The following CDH13 variants were observed in gnomAD, a reference collection of about 807,000 sequenced individuals.
The protein encoded by CDH13 is cadherin 13.
A neutral mutation model predicts 63.8 loss-of-function variants in CDH13; 24 were observed. The ratio of observed to expected loss-of-function variants is 0.38; its 90% CI spans 0.27 to 0.53. The LOEUF is 0.53. Ranked by LOEUF, CDH13 falls within the 20% of genes least tolerant of loss-of-function variation. The pLI is 0.85. For synonymous variants in CDH13, 503 were observed against 355.3 expected (o/e 1.42, Z -4.67); for missense variants, 1,049 against 903.1 (o/e 1.16, Z -2.07).
At chr16:83,480,989 C>A (rs573327361) in intron 6 of CDH13, among the ~76,000 whole-genome samples, 3 of 152,320 alleles carry the variant, frequency 2.0e-5, no homozygotes, top group East Asian at 3.9e-4. Context: ...CCACATTCTC[C>A]TTTTGAAGCA....
chr16:83,280,152 CT>C (rs765245818), intron 5 of CDH13, among the ~76,000 whole-genome samples: 11 of 152,142 alleles, frequency 7.2e-5, no homozygotes, highest in East Asian at 3.9e-4. Flanking sequence ...CAAAATCTTT[CT>C]CTGTAGCATG....
At position 82,900,759 on chromosome 16, in the gene CDH13, C is replaced by T. The variant is rs904323499; in HGVS notation, c.157+42286C>T. Among the ~76,000 whole-genome samples, 13 of 152,252 alleles carry T rather than the reference C, an allele frequency of 8.5e-5. No individual in the cohort carries two copies. In the East Asian group the frequency reaches 9.7e-4, roughly 11 times the overall value. ...TGCTAAGGCAGGTGATATTTCTGCC[C>T]GGCCGTTAGCTTTTGTGCAGAATAG... On this transcript the variant is annotated intron_variant, in intron 2 of 13. Transcript: ENST00000567109.
chr16:83,052,814 T>G lies in CDH13; in HGVS notation c.366+20596T>G, dbSNP rs1452315256. On this transcript the variant is annotated intron_variant, in intron 3 of 13. Coordinates refer to ENST00000567109, the MANE Select transcript of CDH13 (RefSeq NM_001257.5). The stretch of plus-strand genomic sequence containing the variant: ...AAAAAAAAAAAAAAAAGAAAGAAAT[T>G]AAACCTTAAATAGCAAAATAGAAAA... Among the ~76,000 whole-genome samples, 3 of 135,658 alleles carry G rather than the reference T, an allele frequency of 2.2e-5. No homozygotes were observed. In the South Asian group the frequency reaches 7.0e-4, roughly 32 times the overall value. The allele number at this position is 135,658 out of a possible 152,430, so 89.0% of individuals were successfully genotyped here.
chr16:82,775,268 C>T (rs1385089270), intron 1 of CDH13, among the ~76,000 whole-genome samples: 1 of 152,204 alleles, frequency 6.6e-6, no homozygotes, highest in East Asian at 1.9e-4. Context: ...TCACTGTAAT[C>T]ATGATATACA....
chr16:83,597,656 C>T (rs879019598), intron 7 of CDH13, among the ~76,000 whole-genome samples: 30 of 152,082 alleles, frequency 2.0e-4, no homozygotes, highest in African/African-American at 6.8e-4. Context: ...CTTAAGTTTG[C>T]CAGAAAATTT....
At chr16:83,000,223 A>T (rs111955512) in intron 2 of CDH13, among the ~76,000 whole-genome samples, 11,035 of 36,610 alleles carry the variant, frequency 0.3, 848 homozygotes, top group African/African-American at 0.43. Context: ...GGTTTAGCTT[A>T]TTTTTTTTTT....
At chr16:83,711,736 C>T (rs1321417217) in intron 10 of CDH13, among the ~76,000 whole-genome samples, 4 of 152,224 alleles carry the variant, frequency 2.6e-5, no homozygotes, top group Middle Eastern at 3.4e-3. Flanking sequence ...AGGCTGGTCT[C>T]GAACTCCTGA....
rs147099978 is a variant in CDH13, at chr16:83,539,533, C to T, written c.960+52878C>T. On this transcript the variant is annotated intron_variant, in intron 7 of 13. Transcript: ENST00000567109. ...CTGAAAACTTGCAGAAAAGGAAAACCGAAACATTGAAAGAGGGAAAATCTG... is the reference window on the plus strand; with the variant it reads ...CTGAAAACTTGCAGAAAAGGAAAACTGAAACATTGAAAGAGGGAAAATCTG... Among the ~76,000 whole-genome samples the T allele has an allele frequency of 2.0e-3, 309 of 152,146 alleles. 2 individuals carry two copies. The highest frequency in any genetic ancestry group is 3.4e-3 in the Non-Finnish European group (232 of 68,000).
chr16:82,719,486 T>C (rs1597397954), intron 1 of CDH13: 1 of 455,292 alleles, frequency 2.2e-6, no homozygotes, highest in Non-Finnish European at 4.4e-6. Flanking sequence ...GTAAGTTACA[T>C]GAGATGTGAA....
intron 1 of CDH13, among the ~76,000 whole-genome samples, chr16:82,690,852 C>T (rs1296160639): frequency 6.6e-6 from 1 of 152,228 alleles, no homozygotes; most frequent in South Asian, 2.1e-4. Flanking sequence ...ACTGTCAACC[C>T]CGCAACTGCC....
At chr16:83,518,248 A>G (rs891029347) in intron 7 of CDH13, among the ~76,000 whole-genome samples, 3 of 151,440 alleles carry the variant, frequency 2.0e-5, no homozygotes, top group Non-Finnish European at 4.4e-5. Flanking sequence ...GGTTCATGCC[A>G]TTCTCCTGCC....
chr16:82,886,268 T>C (rs1366510159), intron 2 of CDH13, among the ~76,000 whole-genome samples: 1 of 152,218 alleles, frequency 6.6e-6, no homozygotes, highest in Non-Finnish European at 1.5e-5. Flanking sequence ...GATTAAGTTT[T>C]CAGAAGTGAA....
chr16:82,785,385 T>C (rs2035956784), intron 1 of CDH13, among the ~76,000 whole-genome samples: 1 of 152,194 alleles, frequency 6.6e-6, no homozygotes, highest in South Asian at 2.1e-4. Flanking sequence ...TTTAATAAAA[T>C]GCAGCTCTTT....
Position 83,688,693 on chromosome 16 carries a change from C to T in CDH13, c.1538+10232C>T, listed in dbSNP as rs1418324292. 2.0e-5 allele frequency among the ~76,000 whole-genome samples: 3 copies of T among 152,068 alleles called. No individual in the cohort carries two copies. The East Asian group carries it at 5.8e-4, about 29-fold the overall frequency. Reference sequence around the variant, plus strand: ...GTTTGAAATGTAAATGGATTGTTTACAGTGGTGTCTTTGTAATTTTTAATT... The same window carrying T: ...GTTTGAAATGTAAATGGATTGTTTATAGTGGTGTCTTTGTAATTTTTAATT... On this transcript the variant is annotated intron_variant, in intron 10 of 13. Coordinates refer to ENST00000567109, the MANE Select transcript of CDH13 (RefSeq NM_001257.5).
At chr16:83,690,426 G>A (rs1334554558) in intron 10 of CDH13, among the ~76,000 whole-genome samples, 1 of 152,182 alleles carries the variant, frequency 6.6e-6, no homozygotes, top group Non-Finnish European at 1.5e-5. Context: ...CGGGTGGAGA[G>A]GTCCAGGTAG....
At chr16:83,526,326 C>T (rs1044448053) in intron 7 of CDH13, among the ~76,000 whole-genome samples, 11 of 152,106 alleles carry the variant, frequency 7.2e-5, no homozygotes, top group Admixed American at 1.3e-4. Context: ...ATCAATAGTC[C>T]GCAACCTTTT....
chr16:82,965,618 A>G (rs1278006375), intron 2 of CDH13, among the ~76,000 whole-genome samples: 7 of 151,986 alleles, frequency 4.6e-5, no homozygotes, highest in Admixed American at 3.3e-4. Context: ...TGCAACCTCT[A>G]CTTCCAGGTT....
intron 6 of CDH13, among the ~76,000 whole-genome samples, chr16:83,456,531 A>G (rs989546418): frequency 6.6e-6 from 1 of 152,168 alleles, no homozygotes; most frequent in Non-Finnish European, 1.5e-5. Flanking sequence ...TTCAGAGGCA[A>G]CTGCAAGGAA....
chr16:83,623,534 G>A lies in CDH13; in HGVS notation c.1101+20940G>A, dbSNP rs141652884. On this transcript the variant is annotated intron_variant, in intron 8 of 13. Coordinates refer to ENST00000567109, the MANE Select transcript of CDH13 (RefSeq NM_001257.5). ...CACAGAGGGAGCACAAAGAATGTCCGTTGCATTAAATCAAATCTAACAAAC... is the reference window on the plus strand; with the variant it reads ...CACAGAGGGAGCACAAAGAATGTCCATTGCATTAAATCAAATCTAACAAAC... Among the ~76,000 whole-genome samples the A allele has an allele frequency of 7.3e-4, 111 of 152,234 alleles. No individual in the cohort carries two copies. The East Asian group carries it at 0.021, about 28-fold the overall frequency.
Sources: gnomAD v4.1 joint callset for allele counts (sites outside exome capture counted in the v4.1 genomes callset) on GRCh38, gnomAD v4.1.1 for gene constraint, MANE v1.5 for transcripts, NCBI Gene and HGNC (gene_info 2026-07-23, HGNC 2026-07-21) for gene names.